PTPRD: variants seen among roughly 807,000 people sequenced by gnomAD.
PTPRD encodes protein tyrosine phosphatase receptor type D.
In PTPRD, 34 loss-of-function variants were observed where a neutral mutation model predicts 214.5. That is an observed-to-expected ratio of 0.16 (90% confidence interval 0.12 to 0.21). The LOEUF (loss-of-function observed/expected upper bound fraction) is 0.21, where lower values mean the gene tolerates loss of function less well. Among genes scored for constraint, PTPRD ranks in the 10% least tolerant of loss-of-function variants. The pLI is 1.00. For missense variants in PTPRD, 2,545 were observed against 2,398.7 expected, an observed-to-expected ratio of 1.06 and a Z score of -1.27; for synonymous variants, 1,128 against 845.7, an observed-to-expected ratio of 1.33 and a Z score of -5.79.
chr9:8,662,482 C>A (rs930050702), intron 12 of PTPRD, among the ~76,000 whole-genome samples: 1 of 152,148 alleles, frequency 6.6e-6, no homozygotes, highest in African/African-American at 2.4e-5. Context: ...CAACTATAGT[C>A]TATCTGTAGC....
At chr9:10,550,560 A>C (rs189062840) in intron 2 of PTPRD, among the ~76,000 whole-genome samples, 2 of 152,300 alleles carry the variant, frequency 1.3e-5, no homozygotes, top group South Asian at 2.1e-4. Flanking sequence ...CCTCAGAATT[A>C]CCACACTGAA....
chr9:9,680,438 G>A (rs1236282893), intron 7 of PTPRD, among the ~76,000 whole-genome samples: 1 of 151,740 alleles, frequency 6.6e-6, no homozygotes, highest in Admixed American at 6.6e-5. Flanking sequence ...ATTCTTTCTG[G>A]TACTTCTAGG....
At chr9:9,143,361 C>T (rs187533303) in intron 10 of PTPRD, among the ~76,000 whole-genome samples, 1 of 152,276 alleles carries the variant, frequency 6.6e-6, no homozygotes, top group Admixed American at 6.5e-5. Context: ...TTACAATGTT[C>T]CTTCCACACC....
At chr9:9,719,358 A>C (rs1297889231) in intron 7 of PTPRD, among the ~76,000 whole-genome samples, 1 of 152,106 alleles carries the variant, frequency 6.6e-6, no homozygotes, top group Non-Finnish European at 1.5e-5. Flanking sequence ...GGAGTGAAAA[A>C]AGCCATAATA....
At chr9:9,445,192 G>C (rs1035330696) in intron 8 of PTPRD, among the ~76,000 whole-genome samples, 2 of 152,114 alleles carry the variant, frequency 1.3e-5, no homozygotes, top group African/African-American at 4.8e-5. Flanking sequence ...TCAAACTGTA[G>C]CCCATTCACA....
At chr9:9,955,526 G>GTTTT (rs779657484) in intron 4 of PTPRD, among the ~76,000 whole-genome samples, 4 of 134,026 alleles carry the variant, frequency 3.0e-5, no homozygotes, top group African/African-American at 7.7e-5. Context: ...GTTTTGTTTT[G>GTTTT]TTTTTTTTTT....
At chr9:9,416,997 T>A (rs946651921) in intron 8 of PTPRD, among the ~76,000 whole-genome samples, 1 of 152,164 alleles carries the variant, frequency 6.6e-6, no homozygotes, top group Non-Finnish European at 1.5e-5. Flanking sequence ...AGCTTATGTA[T>A]ACCAAGTAAG....
At chr9:10,468,207 T>C (rs1406174359) in intron 2 of PTPRD, among the ~76,000 whole-genome samples, 1 of 152,146 alleles carries the variant, frequency 6.6e-6, no homozygotes, top group Non-Finnish European at 1.5e-5. Flanking sequence ...CACATATATG[T>C]TTATTGCAGT....
At chr9:8,593,974 T>G (rs979885644) in intron 14 of PTPRD, among the ~76,000 whole-genome samples, 21 of 152,222 alleles carry the variant, frequency 1.4e-4, no homozygotes, top group African/African-American at 4.8e-4. Context: ...ATCTCATATA[T>G]TCACATATAG....
At chr9:9,528,081 T>C (rs138877480) in intron 8 of PTPRD, among the ~76,000 whole-genome samples, 159 of 152,288 alleles carry the variant, frequency 1.0e-3, no homozygotes, top group African/African-American at 3.7e-3. Context: ...CTTGTGAAAT[T>C]GAGGAAACAG....
chr9:8,861,631 T>G (rs2098108551), intron 11 of PTPRD: 1 of 152,216 alleles, frequency 6.6e-6, no homozygotes, highest in Admixed American at 6.5e-5. Context: ...GCTAGAATTT[T>G]GAACCTAGAT....
intron 14 of PTPRD, among the ~76,000 whole-genome samples, chr9:8,556,558 A>ATATTTCTTTTTTTTTTTTTTTT (rs1009884650): frequency 1.3e-5 from 2 of 152,140 alleles, no homozygotes; most frequent in African/African-American, 4.8e-5. Context: ...TGTGTATTTT[A>ATATTTCTTTTTTTTTTTTTTTT]TATTTCTTTA....
At chr9:9,383,849 G>A (rs2063044726) in intron 9 of PTPRD, among the ~76,000 whole-genome samples, 1 of 152,008 alleles carries the variant, frequency 6.6e-6, no homozygotes, top group Non-Finnish European at 1.5e-5. Context: ...TAATAGAAGA[G>A]TAGCTACCTT....
chr9:10,592,166 G>C (rs2075618656), intron 2 of PTPRD, among the ~76,000 whole-genome samples: 1 of 151,936 alleles, frequency 6.6e-6, no homozygotes, highest in Non-Finnish European at 1.5e-5. Flanking sequence ...CCTAGGAATT[G>C]GTCTGAACTC....
intron 2 of PTPRD, among the ~76,000 whole-genome samples, chr9:10,471,436 G>C (rs2099030585): frequency 6.6e-6 from 1 of 152,102 alleles, no homozygotes; most frequent in African/African-American, 2.4e-5. Flanking sequence ...TCATCAGGTA[G>C]TATGACTCTG....
intron 8 of PTPRD, among the ~76,000 whole-genome samples, chr9:9,516,227 A>C (rs2096834362): frequency 6.6e-6 from 1 of 151,550 alleles, no homozygotes; most frequent in Non-Finnish European, 1.5e-5. Flanking sequence ...TTAATTCTAC[A>C]GTCCATCTAA....
intron 5 of PTPRD, among the ~76,000 whole-genome samples, chr9:9,904,673 C>T (rs1242328154): frequency 6.6e-6 from 1 of 151,740 alleles, no homozygotes; most frequent in Non-Finnish European, 1.5e-5. Context: ...AAAAGGTGAA[C>T]CATTAGATAA....
intron 2 of PTPRD, among the ~76,000 whole-genome samples, chr9:10,409,688 G>A (rs1028593228): frequency 2.0e-5 from 3 of 151,722 alleles, no homozygotes; most frequent in Non-Finnish European, 4.4e-5. Context: ...AATCTCATTT[G>A]CCTTTATGTA....
rs1008573073 is a variant in PTPRD at position 8,475,613 on chromosome 9, G to C, written c.3414-4528C>G. On this transcript the variant is annotated intron_variant, in intron 30 of 45. Coordinates refer to ENST00000381196, the MANE Select transcript of PTPRD (RefSeq NM_002839.4). Reference sequence around the variant, plus strand: ...ACAAAAGTACCCCCAATTTACTGTGGTTAAAATAAAAGAAATAATATGCCT... The same window carrying C: ...ACAAAAGTACCCCCAATTTACTGTGCTTAAAATAAAAGAAATAATATGCCT... Among the ~76,000 whole-genome samples, 72 of 152,082 alleles carry C rather than the reference G, an allele frequency of 4.7e-4. 1 individual carries two copies. The highest frequency in any genetic ancestry group is 1.2e-4 in the Non-Finnish European group (8 of 68,020).
Sources: gnomAD v4.1 joint callset for allele counts (sites outside exome capture counted in the v4.1 genomes callset) on GRCh38, gnomAD v4.1.1 for gene constraint, MANE v1.5 for transcripts, NCBI Gene and HGNC (gene_info 2026-07-23, HGNC 2026-07-21) for gene names.